Variants in PPARGC1A observed in about 807,000 individuals in gnomAD.
PPARGC1A encodes the protein PPARG coactivator 1 alpha.
PPARGC1A carries 25 observed loss-of-function variants against 88.7 expected under a neutral mutation model. That is an observed-to-expected ratio of 0.28 (90% confidence interval 0.21 to 0.39). PPARGC1A has a LOEUF of 0.39. Ranked by LOEUF, PPARGC1A falls within the 10% of genes least tolerant of loss-of-function variation. The probability of loss-of-function intolerance (pLI) is 1.00; values close to 1 mark genes in which losing one functional copy is unlikely to be tolerated. For synonymous variants in PPARGC1A, 363 were observed against 355.6 expected, an observed-to-expected ratio of 1.02 and a Z score of -0.24; for missense variants, 880 against 968.7, an observed-to-expected ratio of 0.91 and a Z score of 1.22.
At chr4:23,832,744 G>C (rs1725266667) in intron 2 of PPARGC1A, among the ~76,000 whole-genome samples, 1 of 151,374 alleles carries the variant, frequency 6.6e-6, no homozygotes, top group Admixed American at 6.6e-5. Context: ...CGAGTAGCTG[G>C]GACTACAGGT....
At chr4:23,890,602 C>CTGTT (rs1717690424), upstream of PPARGC1A, among the ~76,000 whole-genome samples, 1 of 103,232 alleles carries the variant, frequency 9.7e-6, no homozygotes, top group African/African-American at 3.6e-5. Flanking sequence ...GCAAACGGGG[C>CTGTT]TTTTTTTTTT....
At chr4:23,911,868 T>C in the PPARGC1A span, among the ~76,000 whole-genome samples, 6 of 152,180 alleles carry the variant, frequency 3.9e-5, no homozygotes, top group Admixed American at 3.3e-4. Flanking sequence ...CACACTGTTG[T>C]GCAGCAGATC....
the PPARGC1A span, among the ~76,000 whole-genome samples, chr4:23,950,966 G>C: frequency 6.6e-6 from 1 of 152,068 alleles, no homozygotes; most frequent in Non-Finnish European, 1.5e-5. Context: ...AGGACACTAA[G>C]GCTACCTTGA....
chr4:23,800,947 C>A (rs55782748), intron 12 of PPARGC1A, among the ~76,000 whole-genome samples: 3,461 of 147,526 alleles, frequency 0.023, 63 homozygotes, highest in Non-Finnish European at 0.039. Context: ...AAGCACTCAA[C>A]AAATAACAGG....
chr4:24,398,332 G>T, the PPARGC1A span, among the ~76,000 whole-genome samples: 44 of 152,258 alleles, frequency 2.9e-4, no homozygotes, highest in Non-Finnish European at 4.6e-4. Context: ...CTGAGTGAGA[G>T]AATAATAGTT....
chr4:24,024,757 G>A, the PPARGC1A span, among the ~76,000 whole-genome samples: 4 of 152,192 alleles, frequency 2.6e-5, no homozygotes, highest in East Asian at 1.9e-4. Context: ...ATATAAGTGC[G>A]TATTAGTTCA....
chr4:24,123,334 G>A, the PPARGC1A span, among the ~76,000 whole-genome samples: 1 of 152,090 alleles, frequency 6.6e-6, no homozygotes, highest in Non-Finnish European at 1.5e-5. Context: ...AGCTGTAGAG[G>A]GTCTCCCCAG....
At chr4:23,975,839 C>T in the PPARGC1A span, among the ~76,000 whole-genome samples, 1 of 152,302 alleles carries the variant, frequency 6.6e-6, no homozygotes, top group African/African-American at 2.4e-5. Flanking sequence ...ATTATGTAAA[C>T]CCTTAAGAAT....
At chr4:24,134,060 C>T in the PPARGC1A span, among the ~76,000 whole-genome samples, 11 of 152,142 alleles carry the variant, frequency 7.2e-5, no homozygotes, top group Admixed American at 2.6e-4. Flanking sequence ...ATATTGTTAC[C>T]GGCTAACATC....
the PPARGC1A span, among the ~76,000 whole-genome samples, chr4:24,392,728 A>C: frequency 6.6e-6 from 1 of 152,156 alleles, no homozygotes; most frequent in Non-Finnish European, 1.5e-5. Flanking sequence ...CAACATGGGT[A>C]GCAGAATCAG....
chr4:24,412,647 A>AT, the PPARGC1A span, among the ~76,000 whole-genome samples: 25 of 151,936 alleles, frequency 1.6e-4, 1 homozygote, highest in Admixed American at 1.6e-3. Context: ...TGGCCAGCTA[A>AT]TTTTTTGTAT....
the PPARGC1A span, among the ~76,000 whole-genome samples, chr4:24,462,979 G>A: frequency 1.3e-5 from 2 of 151,858 alleles, no homozygotes; most frequent in African/African-American, 4.8e-5. Context: ...TACTTAGCAG[G>A]TGAAAAGTCT....
chr4:24,424,567 G>T, the PPARGC1A span, among the ~76,000 whole-genome samples: 1 of 152,028 alleles, frequency 6.6e-6, no homozygotes, highest in African/African-American at 2.4e-5. Context: ...GAGCCACCGC[G>T]CCCAGCCGCT....
the PPARGC1A span, among the ~76,000 whole-genome samples, chr4:24,245,002 AG>A: frequency 2.0e-5 from 3 of 152,202 alleles, no homozygotes; most frequent in Admixed American, 2.0e-4. Flanking sequence ...GGATGGAGAA[AG>A]AACAGGCGAG....
chr4:24,190,575 C>A, the PPARGC1A span, among the ~76,000 whole-genome samples: 1 of 151,854 alleles, frequency 6.6e-6, no homozygotes, highest in African/African-American at 2.4e-5. Flanking sequence ...TTCCTGAATC[C>A]CCACAAACTC....
chr4:23,850,281 A>C (rs1729042236), intron 2 of PPARGC1A, among the ~76,000 whole-genome samples: 1 of 152,208 alleles, frequency 6.6e-6, no homozygotes, highest in Non-Finnish European at 1.5e-5. Context: ...TGCTTCTTAT[A>C]CATTGCCAAG....
the PPARGC1A span, among the ~76,000 whole-genome samples, chr4:24,199,652 G>A: frequency 6.6e-6 from 1 of 152,144 alleles, no homozygotes; most frequent in African/African-American, 2.4e-5. Context: ...CTTTGTAACA[G>A]CCATCACCCA....
At chr4:24,372,284 G>A in the PPARGC1A span, among the ~76,000 whole-genome samples, 63 of 152,308 alleles carry the variant, frequency 4.1e-4, no homozygotes, top group African/African-American at 1.4e-3. Flanking sequence ...GGTTCTCAAA[G>A]TTGGTTCCAC....
the PPARGC1A span, among the ~76,000 whole-genome samples, chr4:24,409,730 C>T: frequency 3.3e-5 from 5 of 152,138 alleles, no homozygotes; most frequent in Admixed American, 6.5e-5. Context: ...GTGTGCATGG[C>T]TCATTTTTGG....
Sources: gnomAD v4.1 joint callset for allele counts (sites outside exome capture counted in the v4.1 genomes callset) on GRCh38, gnomAD v4.1.1 for gene constraint, MANE v1.5 for transcripts, NCBI Gene and HGNC (gene_info 2026-07-23, HGNC 2026-07-21) for gene names.